The following NOL4 variants were observed in gnomAD, a reference collection of about 807,000 sequenced individuals.
NOL4 encodes the protein nucleolar protein 4.
In NOL4, 17 loss-of-function variants were observed where a neutral mutation model predicts 75.9. The observed-to-expected ratio is 0.22, with a 90% confidence interval of 0.15 to 0.34. NOL4 has a LOEUF of 0.34. Ranked by LOEUF, NOL4 falls within the 10% of genes least tolerant of loss-of-function variation. The pLI is 1.00. For missense variants in NOL4, 614 were observed against 793.5 expected, an observed-to-expected ratio of 0.77 and a Z score of 2.72; for synonymous variants, 292 against 289.9, an observed-to-expected ratio of 1.01 and a Z score of -0.07.
chr18:34,180,948 C>T (rs2033985202), intron 1 of NOL4, among the ~76,000 whole-genome samples: 1 of 150,942 alleles, frequency 6.6e-6, no homozygotes, highest in African/African-American at 2.4e-5. Context: ...AAATATACTC[C>T]AAGATTATAG....
intron 9 of NOL4, among the ~76,000 whole-genome samples, chr18:33,900,193 G>A (rs1432626068): frequency 2.0e-5 from 3 of 152,100 alleles, no homozygotes; most frequent in Non-Finnish European, 4.4e-5. Context: ...AGGAAGAAGA[G>A]GAAGCAGGTG....
At chr18:34,165,021 C>T (rs1307887013) in intron 1 of NOL4, among the ~76,000 whole-genome samples, 3 of 146,766 alleles carry the variant, frequency 2.0e-5, no homozygotes, top group Admixed American at 1.4e-4. Context: ...TATTCTCACT[C>T]ATAGGTGGGA....
At chr18:34,015,285 C>A (rs1196217743) in intron 6 of NOL4, among the ~76,000 whole-genome samples, 4 of 151,994 alleles carry the variant, frequency 2.6e-5, no homozygotes, top group Non-Finnish European at 5.9e-5. Context: ...CCTATCTCAG[C>A]CTCTATAACT....
intron 4 of NOL4, among the ~76,000 whole-genome samples, chr18:34,096,874 T>A (rs1185496073): frequency 4.6e-5 from 7 of 152,176 alleles, no homozygotes; most frequent in Non-Finnish European, 1.0e-4. Context: ...TTTATTTCTA[T>A]CTTCAGAAGT....
At chr18:34,140,777 G>A (rs1379161234) in intron 1 of NOL4, among the ~76,000 whole-genome samples, 4 of 152,118 alleles carry the variant, frequency 2.6e-5, no homozygotes, top group Non-Finnish European at 5.9e-5. Flanking sequence ...CCTAGCATCA[G>A]TGGTCTTTAC....
chr18:34,108,084 A>G (rs1252113099), intron 2 of NOL4, among the ~76,000 whole-genome samples: 1 of 152,158 alleles, frequency 6.6e-6, no homozygotes, highest in East Asian at 1.9e-4. Flanking sequence ...GCCCTCCATT[A>G]CACTCGAGGC....
intron 5 of NOL4, 35 bp downstream of exon 5, chr18:34,093,430 T>C (rs2078620453): frequency 3.3e-6 from 5 of 1,525,576 alleles, no homozygotes; most frequent in South Asian, 1.3e-5. Context: ...TTTTTTGCTG[T>C]TGTTTTGCTT....
At chr18:34,129,641 T>C (rs1034096673) in intron 2 of NOL4, among the ~76,000 whole-genome samples, 2 of 151,742 alleles carry the variant, frequency 1.3e-5, no homozygotes, top group African/African-American at 2.4e-5. Context: ...CCACATATTA[T>C]ACATTTTTAA....
chr18:34,159,241 T>A (rs1264591072), intron 1 of NOL4, among the ~76,000 whole-genome samples: 4 of 152,030 alleles, frequency 2.6e-5, no homozygotes, highest in African/African-American at 9.7e-5. Context: ...GGCGCCGCGC[T>A]CCGCGAGGGG....
At chr18:34,212,797 C>A (rs1020313634) in intron 1 of NOL4, among the ~76,000 whole-genome samples, 3 of 152,200 alleles carry the variant, frequency 2.0e-5, no homozygotes, top group Admixed American at 1.3e-4. Context: ...GCTCTCAGCT[C>A]TTAACCACAT....
At chr18:34,154,860 T>G (rs1203911958) in intron 1 of NOL4, among the ~76,000 whole-genome samples, 1 of 151,984 alleles carries the variant, frequency 6.6e-6, no homozygotes, top group Non-Finnish European at 1.5e-5. Flanking sequence ...CATGTGTGGA[T>G]AGTGGTTTTA....
intron 4 of NOL4, among the ~76,000 whole-genome samples, chr18:34,095,357 A>T (rs571321877): frequency 7.3e-5 from 11 of 151,610 alleles, no homozygotes; most frequent in African/African-American, 2.4e-4. Flanking sequence ...ACTAGTGTTG[A>T]TCATATACAA....
At chr18:34,093,366 A>C (rs2078616248) in intron 5 of NOL4, 99 bp downstream of exon 5, 1 of 1,243,152 alleles carries the variant, frequency 8.0e-7, no homozygotes, top group African/African-American at 1.5e-5. Flanking sequence ...TAGATTTTTA[A>C]AAATTGACAC....
intron 10 of NOL4, among the ~76,000 whole-genome samples, chr18:33,882,464 A>G: frequency 6.6e-6 from 1 of 152,142 alleles, no homozygotes; most frequent in East Asian, 1.9e-4. Flanking sequence ...AATGCTCATC[A>G]TCACTGGCCA....
chr18:34,048,391 G>T, intron 5 of NOL4: 6 of 953,318 alleles, frequency 6.3e-6, no homozygotes, highest in Non-Finnish European at 7.5e-6. Context: ...ACAAGACTTA[G>T]ACAAACCTCA....
chr18:34,084,296 G>T (rs1254745541), intron 5 of NOL4, among the ~76,000 whole-genome samples: 2 of 152,130 alleles, frequency 1.3e-5, no homozygotes, highest in African/African-American at 4.8e-5. Flanking sequence ...CCAAGATACT[G>T]CGGTCGCCCT....
chr18:34,126,025 G>T (rs999456826), intron 2 of NOL4, among the ~76,000 whole-genome samples: 1 of 152,040 alleles, frequency 6.6e-6, no homozygotes, highest in South Asian at 2.1e-4. Context: ...CCAACACAGA[G>T]GCATTAGAGC....
At chr18:33,937,297 A>T (rs545781261) in intron 9 of NOL4, among the ~76,000 whole-genome samples, 1 of 152,228 alleles carries the variant, frequency 6.6e-6, no homozygotes, top group East Asian at 1.9e-4. Flanking sequence ...GACATATGGA[A>T]TAAAGTATTT....
chr18:34,027,453 A>G (rs1330551480), intron 5 of NOL4, among the ~76,000 whole-genome samples: 1 of 152,242 alleles, frequency 6.6e-6, no homozygotes. Context: ...GAGCAAATCA[A>G]CTAAATTACA....
Sources: gnomAD v4.1 joint callset for allele counts (sites outside exome capture counted in the v4.1 genomes callset) on GRCh38, gnomAD v4.1.1 for gene constraint, MANE v1.5 for transcripts, NCBI Gene and HGNC (gene_info 2026-07-23, HGNC 2026-07-21) for gene names.